PCDHA12: variants seen among roughly 807,000 people sequenced by gnomAD.
PCDHA12 encodes the protein protocadherin alpha-12.
PCDHA12 carries 44 observed loss-of-function variants against 60.0 expected under a neutral mutation model. That is an observed-to-expected ratio of 0.73 (90% CI 0.58 to 0.94). The LOEUF is 0.94. Ranked by LOEUF, PCDHA12 falls within the 40% of genes least tolerant of loss-of-function variation. The probability of loss-of-function intolerance (pLI) is 0.00; values close to 1 mark genes in which losing one functional copy is unlikely to be tolerated. For synonymous variants in PCDHA12, 569 were observed against 553.0 expected (o/e 1.03, Z -0.40); for missense variants, 1,276 against 1,239.7 (o/e 1.03, Z -0.44).
intron 1 of PCDHA12, among the ~76,000 whole-genome samples, chr5:140,915,885 G>A (rs1487160672): frequency 6.6e-6 from 1 of 152,204 alleles, no homozygotes; most frequent in Admixed American, 6.5e-5. Context: ...AGGGTAGCAA[G>A]TTCCCCCTGG....
chr5:140,990,296 T>C (rs1231552034), intron 3 of PCDHA12, among the ~76,000 whole-genome samples: 12 of 152,300 alleles, frequency 7.9e-5, no homozygotes, highest in African/African-American at 2.9e-4. Flanking sequence ...ATCGATGCCA[T>C]TGTCTGTAAA....
At chr5:140,880,415 G>T (rs1481227492) in intron 1 of PCDHA12, among the ~76,000 whole-genome samples, 1 of 152,202 alleles carries the variant, frequency 6.6e-6, no homozygotes, top group Non-Finnish European at 1.5e-5. Context: ...GACCTTAAAA[G>T]CGGGAACAGT....
Position 140,882,692 on chromosome 5 carries a change from AT to A in PCDHA12, c.2367+4855del, listed in dbSNP as rs782355155. On this transcript the variant is annotated intron_variant, in intron 1 of 3. Coordinates refer to ENST00000398631, the MANE Select transcript of PCDHA12 (RefSeq NM_018903.4). The stretch of plus-strand genomic sequence containing the variant: ...CCCTGAAAGCAAGAAACGAATAATC[AT>A]TGCAGAATCTAGACCTCCGGAAACT... The A allele has an allele frequency of 2.1e-5, 34 of 1,614,204 alleles. No individual in the cohort carries two copies. In the South Asian group the frequency reaches 3.5e-4, roughly 17 times the overall value.
intron 1 of PCDHA12, among the ~76,000 whole-genome samples, chr5:140,895,800 T>C (rs1352398048): frequency 6.6e-6 from 1 of 152,182 alleles, no homozygotes; most frequent in Non-Finnish European, 1.5e-5. Context: ...ATATGTACAA[T>C]ACTGTATTGT....
At chr5:140,918,051 A>C (rs782531005) in intron 1 of PCDHA12, among the ~76,000 whole-genome samples, 4 of 151,984 alleles carry the variant, frequency 2.6e-5, no homozygotes, top group Admixed American at 2.0e-4. Flanking sequence ...CATTTGTTTT[A>C]TCATCTCTGA....
At chr5:140,988,468 A>G (rs1184589294) in intron 3 of PCDHA12, among the ~76,000 whole-genome samples, 1 of 152,186 alleles carries the variant, frequency 6.6e-6, no homozygotes, top group African/African-American at 2.4e-5. Flanking sequence ...GGGTGTGGGA[A>G]GGGGAATTAG....
chr5:140,879,879 G>A lies in PCDHA12; in HGVS notation c.2367+2040G>A, dbSNP rs564256513. Among the ~76,000 whole-genome samples the A allele has an allele frequency of 4.6e-5, 7 of 152,240 alleles. No individual in the cohort carries two copies. In the South Asian group the frequency reaches 1.5e-3, roughly 32 times the overall value. On this transcript the variant is annotated intron_variant, in intron 1 of 3. Coordinates refer to ENST00000398631, the MANE Select transcript of PCDHA12 (RefSeq NM_018903.4). ...CCTTCTCAGCTTTCATGGTCACATT[G>A]CCTCCTCCTCTCCATGTCTCTCTCT... is the stretch of plus-strand genomic sequence containing the variant.
At chr5:140,963,608 G>A (rs1308315109) in intron 1 of PCDHA12, among the ~76,000 whole-genome samples, 2 of 152,186 alleles carry the variant, frequency 1.3e-5, no homozygotes, top group African/African-American at 2.4e-5. Context: ...ACGTAATTGG[G>A]AAAGCTTAAC....
At chr5:140,989,837 T>C (rs1389244965) in intron 3 of PCDHA12, among the ~76,000 whole-genome samples, 1 of 152,120 alleles carries the variant, frequency 6.6e-6, no homozygotes, top group African/African-American at 2.4e-5. Context: ...AGCCTGTCAA[T>C]GAGTGTGTGG....
At chr5:140,967,249 G>A (rs782040791) in intron 1 of PCDHA12, 1 of 1,613,592 alleles carries the variant, frequency 6.2e-7, no homozygotes, top group Non-Finnish European at 8.5e-7. Context: ...GCGAATCGGT[G>A]GCGCCTGGAG....
In PCDHA12 at chr5:140,875,835, G is replaced by A; in HGVS notation, c.363G>A (p.Val121=). ...DRPLQVFHVD[V]EVKDINDNPP... is the part of the protein sequence containing the mutation. The stretch of plus-strand genomic sequence containing the variant: ...CGCTGCAGGTTTTCCATGTGGACGT[G>A]GAGGTGAAGGACATTAACGACAACC... The change falls in exon 1 of 4, where the codon GTG becomes GTA. Residue 121 remains valine (V), a synonymous_variant. Coordinates refer to ENST00000398631, the MANE Select transcript of PCDHA12 (RefSeq NM_018903.4). 6.2e-7 allele frequency: 1 copy of A among 1,614,196 alleles called. No homozygotes were observed. The highest frequency in any genetic ancestry group is 2.2e-5 in the East Asian group (1 of 44,890).
intron 3 of PCDHA12, among the ~76,000 whole-genome samples, chr5:141,007,371 TG>T (rs2098319446): frequency 7.8e-6 from 1 of 128,740 alleles, no homozygotes. Context: ...GGCAACATGA[TG>T]GAACACCATC....
chr5:140,965,011 A>T (rs1418726287), intron 1 of PCDHA12, among the ~76,000 whole-genome samples: 1 of 152,186 alleles, frequency 6.6e-6, no homozygotes, highest in Non-Finnish European at 1.5e-5. Context: ...TGTCAGGATC[A>T]CAACCTTGGC....
At position 141,009,849 on chromosome 5, in the gene PCDHA12, C is replaced by T. The variant is rs782348993; in HGVS notation, c.2738C>T (p.Thr913Ile). 54 of 1,613,364 alleles carry T rather than the reference C, an allele frequency of 3.3e-5. No individual in the cohort carries two copies. The South Asian group carries it at 5.8e-4, about 17-fold the overall frequency. ...DFITFGKKEETKKKKKKKKGN... is the reference protein window; with the variant it reads ...DFITFGKKEEIKKKKKKKKGN... ...ATAACCTTCGGCAAAAAGGAGGAGA[C>T]CAAGAAAAAGAAGAAAAAGAAGAAG... Residue 913 changes from threonine to isoleucine, a missense_variant, in exon 4 of 4, where the codon ACC becomes ATC. Transcript: ENST00000398631.
At chr5:140,972,453 G>A (rs2096536665) in intron 1 of PCDHA12, among the ~76,000 whole-genome samples, 3 of 151,360 alleles carry the variant, frequency 2.0e-5, no homozygotes, top group South Asian at 2.1e-4. Context: ...TTTTTCTCTT[G>A]TTGCTTATTA....
At chr5:140,934,690 T>C (rs1263392505) in intron 1 of PCDHA12, among the ~76,000 whole-genome samples, 1 of 152,198 alleles carries the variant, frequency 6.6e-6, no homozygotes, top group Non-Finnish European at 1.5e-5. Flanking sequence ...AAACAATGAA[T>C]TGATTCCTGG....
rs556593659 is a variant in PCDHA12, at chr5:140,966,652, G to A, written c.2368-12297G>A. ...CCCAGGCGCTTTCTAGAGCGTGAGC[G>A]GTGGGGGAGCAGGCGCAGGGTGGCA... On this transcript the variant is annotated intron_variant, in intron 1 of 3. Coordinates refer to ENST00000398631, the MANE Select transcript of PCDHA12 (RefSeq NM_018903.4). 1.0e-5 allele frequency: 12 copies of A among 1,169,200 alleles called. No homozygotes were observed. In the Admixed American group the frequency reaches 2.0e-4, roughly 19 times the overall value. The allele number at this position is 1,169,200 out of a possible 1,614,324, so 72.4% of individuals were successfully genotyped here.
At chr5:140,882,491 C>T (rs782462724) in intron 1 of PCDHA12, 1 of 1,614,078 alleles carries the variant, frequency 6.2e-7, no homozygotes, top group South Asian at 1.1e-5. Flanking sequence ...CGGGGACCTT[C>T]TGGAGGTAAA....
intron 1 of PCDHA12, chr5:140,966,280 G>A (rs782249047): frequency 2.0e-4 from 74 of 365,660 alleles, no homozygotes; most frequent in Middle Eastern, 6.9e-4. Context: ...CTGGACAGTG[G>A]GGGTAGGGAG....
Sources: gnomAD v4.1 joint callset for allele counts (sites outside exome capture counted in the v4.1 genomes callset) on GRCh38, gnomAD v4.1.1 for gene constraint, MANE v1.5 for transcripts, NCBI Gene and HGNC (gene_info 2026-07-23, HGNC 2026-07-21) for gene names.